The following CACNG8 variants were observed in gnomAD, a reference collection of about 807,000 sequenced individuals.
CACNG8 encodes voltage-dependent calcium channel gamma-8 subunit.
CACNG8 carries 5 observed loss-of-function variants against 26.9 expected under a neutral mutation model. The observed-to-expected ratio is 0.19, with a 90% CI of 0.10 to 0.39. The LOEUF (loss-of-function observed/expected upper bound fraction) is 0.39, where lower values mean the gene tolerates loss of function less well. Among genes scored for constraint, CACNG8 ranks in the 10% least tolerant of loss-of-function variants. The pLI is 1.00. For missense variants in CACNG8, 473 were observed against 609.4 expected (o/e 0.78, Z 2.36); for synonymous variants, 321 against 296.7 (o/e 1.08, Z -0.84).
chr19:53,970,699 G>A (rs1168634380), intron 1 of CACNG8, among the ~76,000 whole-genome samples: 2 of 151,978 alleles, frequency 1.3e-5, no homozygotes, highest in Non-Finnish European at 2.9e-5. Context: ...TTGGGAGGCC[G>A]AGGTGAGAGG....
rs567632067 is a variant in CACNG8, at chr19:53,988,779, G to A, written c.*5930G>A. 3.3e-3 allele frequency: 509 copies of A among 152,454 alleles called. 2 individuals are homozygous for A. Among genetic ancestry groups the A allele is most frequent in the Non-Finnish European group, 5.7e-3 (388 of 68,074 alleles). 9.4% of individuals were successfully genotyped at this position (152,454 alleles called of 1,614,324 possible). On this transcript the variant is annotated 3_prime_UTR_variant, in exon 4 of 4. Coordinates refer to ENST00000270458, the MANE Select transcript of CACNG8 (RefSeq NM_031895.6). ...GAAGATGAATTCAGGGGGCAGGGAA[G>A]AGAGGATGCTGTCAGCTAGGCTCTG...
At chr19:53,978,553 C>A (rs973510179) in intron 2 of CACNG8, among the ~76,000 whole-genome samples, 1 of 151,854 alleles carries the variant, frequency 6.6e-6, no homozygotes, top group African/African-American at 2.4e-5. Context: ...TTGGCCACCG[C>A]GCCGCAGAGC....
intron 3 of CACNG8, among the ~76,000 whole-genome samples, chr19:53,980,265 C>A (rs2069357848): frequency 6.6e-6 from 1 of 152,002 alleles, no homozygotes. Flanking sequence ...AGGCAGGTGT[C>A]TGGCGCGTAA....
intron 3 of CACNG8, among the ~76,000 whole-genome samples, chr19:53,981,326 T>A (rs1174735491): frequency 6.6e-6 from 1 of 151,856 alleles, no homozygotes; most frequent in Non-Finnish European, 1.5e-5. Flanking sequence ...TCATCAAAGG[T>A]GGGTTTTAGA....
At chr19:53,976,032 C>A (rs1364741101) in intron 1 of CACNG8, among the ~76,000 whole-genome samples, 1 of 152,156 alleles carries the variant, frequency 6.6e-6, no homozygotes, top group Non-Finnish European at 1.5e-5. Context: ...CTATGTAACA[C>A]CAGCAAGGAC....
chr19:53,963,498 C>G, intron 1 of CACNG8, 73 bp downstream of exon 1: 5 of 1,378,758 alleles, frequency 3.6e-6, no homozygotes, highest in Non-Finnish European at 4.7e-6. Context: ...CCGGGGCTGC[C>G]TGTCCCTGAT....
chr19:53,970,931 C>CAAA (rs34478690), intron 1 of CACNG8, among the ~76,000 whole-genome samples: 8 of 96,636 alleles, frequency 8.3e-5, no homozygotes, highest in East Asian at 5.4e-4. Flanking sequence ...GACCCTATCT[C>CAAA]AAAAAAAAAA....
chr19:53,969,913 C>T (rs1312998817), intron 1 of CACNG8, among the ~76,000 whole-genome samples: 1 of 151,320 alleles, frequency 6.6e-6, no homozygotes, highest in Non-Finnish European at 1.5e-5. Flanking sequence ...GGGTGGATCA[C>T]CTGAGGCCAG....
Position 53,983,006 on chromosome 19 carries a change from T to G in CACNG8, c.*157T>G. On this transcript the variant is annotated 3_prime_UTR_variant, in exon 4 of 4. Coordinates refer to ENST00000270458, the MANE Select transcript of CACNG8 (RefSeq NM_031895.6). ...CCCACCCTCCCCGCCCCCCTCCCCC[T>G]CCGAAGCAGGGACCCCGAGGGAGGG... 1 of 314,960 alleles carries G rather than the reference T, an allele frequency of 3.2e-6. No homozygotes were observed. 19.5% of individuals were successfully genotyped at this position (314,960 alleles called of 1,614,324 possible).
At chr19:53,972,311 TCTTGCTTG>T (rs914406708) in intron 1 of CACNG8, among the ~76,000 whole-genome samples, 6 of 150,758 alleles carry the variant, frequency 4.0e-5, no homozygotes, top group African/African-American at 1.5e-4. Flanking sequence ...TGCCTTTCTT[TCTTGCTTG>T]CTTTCTTTCT....
At position 53,987,682 on chromosome 19, in the gene CACNG8, G is replaced by A. The variant is rs1372344079; in HGVS notation, c.*4833G>A. 6.6e-6 allele frequency: 1 copy of A among 152,278 alleles called. No homozygotes were observed. The highest frequency in any genetic ancestry group is 1.5e-5 in the Non-Finnish European group (1 of 68,072). 9.4% of individuals were successfully genotyped at this position (152,278 alleles called of 1,614,324 possible). A position where few individuals can be genotyped will look rare whatever the true frequency, so the allele number is the denominator to read the frequency against. On this transcript the variant is annotated 3_prime_UTR_variant, in exon 4 of 4. Coordinates refer to ENST00000270458, the MANE Select transcript of CACNG8 (RefSeq NM_031895.6). ...ACCGATGAGGATTGTTACCAGGAAC[G>A]AGGAGACTGGGATCAGGAAAGTGGC...
At chr19:53,980,333 G>A (rs2069358551) in intron 3 of CACNG8, among the ~76,000 whole-genome samples, 1 of 152,022 alleles carries the variant, frequency 6.6e-6, no homozygotes. Flanking sequence ...GGGAGGAGCT[G>A]GGGAGGGGGT....
intron 1 of CACNG8, among the ~76,000 whole-genome samples, chr19:53,964,659 C>G (rs888483546): frequency 3.3e-5 from 5 of 152,110 alleles, no homozygotes; most frequent in Non-Finnish European, 7.3e-5. Flanking sequence ...CTCCCTGGCT[C>G]TCGACTTCCC....
At chr19:53,967,865 A>C (rs1188705648) in intron 1 of CACNG8, among the ~76,000 whole-genome samples, 1 of 151,988 alleles carries the variant, frequency 6.6e-6, no homozygotes, top group Non-Finnish European at 1.5e-5. Context: ...ATTCCATGTC[A>C]TTTTCACATG....
At chr19:53,971,082 G>A (rs1284606656) in intron 1 of CACNG8, among the ~76,000 whole-genome samples, 6 of 151,324 alleles carry the variant, frequency 4.0e-5, no homozygotes, top group Admixed American at 6.6e-5. Context: ...ACGTGAGGTC[G>A]GGAGTTGGAG....
intron 3 of CACNG8, 76 bp downstream of exon 3, chr19:53,980,083 T>TGCGCGC (rs1491262474): frequency 1.2e-5 from 15 of 1,227,572 alleles, no homozygotes; most frequent in East Asian, 9.0e-5. Context: ...TGTGTGTGTG[T>TGCGCGC]GTGCGCGCGC....
At chr19:53,975,729 T>C (rs897547825) in intron 1 of CACNG8, among the ~76,000 whole-genome samples, 4 of 152,210 alleles carry the variant, frequency 2.6e-5, no homozygotes, top group African/African-American at 9.6e-5. Context: ...CAATATGCAC[T>C]AGGCACTGTT....
At chr19:53,965,016 C>T (rs979189608) in intron 1 of CACNG8, among the ~76,000 whole-genome samples, 1 of 152,130 alleles carries the variant, frequency 6.6e-6, no homozygotes, top group Non-Finnish European at 1.5e-5. Flanking sequence ...AACGTTATCT[C>T]GTTTAATCCT....
chr19:53,965,847 C>T (rs1013233310), intron 1 of CACNG8, among the ~76,000 whole-genome samples: 2 of 151,806 alleles, frequency 1.3e-5, no homozygotes, highest in African/African-American at 2.4e-5. Flanking sequence ...AAAGCTTCCC[C>T]GAGCAGGTGA....
Sources: gnomAD v4.1 joint callset for allele counts (sites outside exome capture counted in the v4.1 genomes callset) on GRCh38, gnomAD v4.1.1 for gene constraint, MANE v1.5 for transcripts, NCBI Gene and HGNC (gene_info 2026-07-23, HGNC 2026-07-21) for gene names.